Variants in EPB41L5 observed in about 807,000 individuals in gnomAD.
The protein encoded by EPB41L5 is erythrocyte membrane protein band 4.1 like 5.
A neutral mutation model predicts 106.6 loss-of-function variants in EPB41L5; 55 were observed. That is an observed-to-expected ratio of 0.52 (90% CI 0.42 to 0.65). EPB41L5 has a LOEUF of 0.65. Among genes scored for constraint, EPB41L5 ranks in the 30% least tolerant of loss-of-function variants. The probability of loss-of-function intolerance (pLI) is 0.00; values close to 1 mark genes in which losing one functional copy is unlikely to be tolerated. For synonymous variants in EPB41L5, 297 were observed against 306.7 expected (o/e 0.97, Z 0.33); for missense variants, 871 against 882.1 (o/e 0.99, Z 0.16).
At chr2:120,087,859 A>C (rs1490029607) in intron 11 of EPB41L5, among the ~76,000 whole-genome samples, 1 of 152,188 alleles carries the variant, frequency 6.6e-6, no homozygotes, top group East Asian at 1.9e-4. Context: ...ATTAAAGATT[A>C]CCTTTGTATC....
intron 3 of EPB41L5, among the ~76,000 whole-genome samples, chr2:120,045,172 A>C (rs1322428529): frequency 6.6e-6 from 1 of 152,202 alleles, no homozygotes; most frequent in East Asian, 1.9e-4. Flanking sequence ...ATTGGTCACT[A>C]TAGATCAGTC....
intron 21 of EPB41L5, among the ~76,000 whole-genome samples, chr2:120,163,259 C>CA (rs1491109422): frequency 4.8e-5 from 2 of 41,252 alleles, no homozygotes; most frequent in South Asian, 1.9e-3. Context: ...TGTCCCTCTG[C>CA]CCCCCCCCCC....
intron 3 of EPB41L5, among the ~76,000 whole-genome samples, chr2:120,042,902 G>GATA (rs1679488670): frequency 6.6e-6 from 1 of 151,978 alleles, no homozygotes; most frequent in East Asian, 1.9e-4. Flanking sequence ...AATACTTTAG[G>GATA]ATAAAAGTAA....
At chr2:120,108,167 G>A (rs1684556679) in intron 16 of EPB41L5, 1 of 152,106 alleles carries the variant, frequency 6.6e-6, no homozygotes, top group Non-Finnish European at 1.5e-5. Context: ...GTTCTAGGTG[G>A]TGGTGCTTGA....
intron 2 of EPB41L5, among the ~76,000 whole-genome samples, chr2:120,036,685 A>C (rs1302224533): frequency 6.6e-6 from 1 of 152,192 alleles, no homozygotes; most frequent in African/African-American, 2.4e-5. Flanking sequence ...AACAAGAACA[A>C]AAACTTACTT....
At position 120,087,247 on chromosome 2, in the gene EPB41L5, A is replaced by G. The variant is rs769353839; in HGVS notation, c.873+7A>G. On this transcript the variant is annotated splice_region_variant and intron_variant, in intron 11 of 24. Transcript: ENST00000263713. ...TGTAGAAGATGATGATCAGGTAGGAATAAAATTATATTCTATTACTTGTGT... is the reference window on the plus strand; with the variant it reads ...TGTAGAAGATGATGATCAGGTAGGAGTAAAATTATATTCTATTACTTGTGT... 1.7e-5 allele frequency: 24 copies of G among 1,453,592 alleles called. No individual in the cohort carries two copies. The highest frequency in any genetic ancestry group is 2.3e-5 in the East Asian group (1 of 43,968). The allele number at this position is 1,453,592 out of a possible 1,614,324, so 90.0% of individuals were successfully genotyped here.
chr2:120,038,772 A>G (rs773835800), intron 2 of EPB41L5, among the ~76,000 whole-genome samples: 3 of 152,158 alleles, frequency 2.0e-5, no homozygotes, highest in Non-Finnish European at 4.4e-5. Context: ...TAAAAAATAT[A>G]TAAATAGTTA....
At chr2:120,076,850 A>G in intron 7 of EPB41L5, 121 bp from the exon 8 acceptor site, 1 of 867,126 alleles carries the variant, frequency 1.2e-6, no homozygotes, top group Non-Finnish European at 1.7e-6. Context: ...TTGTCTGAGT[A>G]TTATGAATTT....
rs184004132 is a variant in EPB41L5, at chr2:120,106,174, C to T, written c.1337+5360C>T. 4 of 985,156 alleles carry T rather than the reference C, an allele frequency of 4.1e-6. No individual in the cohort carries two copies. In the African/African-American group the frequency reaches 7.0e-5, roughly 17 times the overall value. The allele number at this position is 985,156 out of a possible 1,614,324, so 61.0% of individuals were successfully genotyped here. Reference sequence around the variant, plus strand: ...TCATGATTTTTCTTTTGTTGAAAACCTTGTTGTAAAGAATTGATTTGCGAA... The same window carrying T: ...TCATGATTTTTCTTTTGTTGAAAACTTTGTTGTAAAGAATTGATTTGCGAA... On this transcript the variant is annotated intron_variant, in intron 16 of 24. Transcript: ENST00000263713.
At chr2:120,022,212 C>T (rs949850406) in intron 2 of EPB41L5, among the ~76,000 whole-genome samples, 1 of 151,924 alleles carries the variant, frequency 6.6e-6, no homozygotes, top group African/African-American at 2.4e-5. Context: ...ACTTTAAGTT[C>T]TGGGATACAT....
At chr2:120,123,649 T>TC (rs1685331166) in intron 16 of EPB41L5, among the ~76,000 whole-genome samples, 1 of 118,336 alleles carries the variant, frequency 8.5e-6, no homozygotes, top group Non-Finnish European at 1.7e-5. Context: ...TTCGTCCCTT[T>TC]TTTTTTTTTT....
intron 3 of EPB41L5, among the ~76,000 whole-genome samples, chr2:120,059,454 A>G (rs1477686843): frequency 6.6e-6 from 1 of 152,232 alleles, no homozygotes; most frequent in African/African-American, 2.4e-5. Context: ...TACCAAAAGG[A>G]TGATTTTTAA....
chr2:120,144,260 T>A (rs1686305940), intron 19 of EPB41L5, among the ~76,000 whole-genome samples: 1 of 152,144 alleles, frequency 6.6e-6, no homozygotes, highest in African/African-American at 2.4e-5. Context: ...TTCAACCATG[T>A]GAGGATGCAG....
intron 2 of EPB41L5, among the ~76,000 whole-genome samples, chr2:120,033,028 C>G (rs1678820058): frequency 6.6e-6 from 1 of 152,050 alleles, no homozygotes; most frequent in South Asian, 2.1e-4. Context: ...AAATTAAAAA[C>G]TCTGAAAATA....
At chr2:120,018,976 A>G in intron 1 of EPB41L5, 101 bp from the exon 2 acceptor site, 6 of 1,035,498 alleles carry the variant, frequency 5.8e-6, no homozygotes, top group Non-Finnish European at 4.3e-6. Context: ...ATTTCTACTA[A>G]TGTTCACAGG....
intron 3 of EPB41L5, among the ~76,000 whole-genome samples, chr2:120,043,230 T>C (rs1268766951): frequency 3.3e-5 from 5 of 152,042 alleles, no homozygotes; most frequent in African/African-American, 2.4e-5. Context: ...AAATTAATAC[T>C]ATGCAGCTCA....
At chr2:120,061,466 G>A (rs1364986903) in intron 3 of EPB41L5, among the ~76,000 whole-genome samples, 6 of 149,956 alleles carry the variant, frequency 4.0e-5, no homozygotes, top group Middle Eastern at 3.4e-3. Flanking sequence ...CTCGTGATCC[G>A]CCCGCCTCGG....
chr2:120,039,361 G>A (rs1194559220), intron 2 of EPB41L5, among the ~76,000 whole-genome samples: 1 of 152,100 alleles, frequency 6.6e-6, no homozygotes, highest in East Asian at 1.9e-4. Flanking sequence ...GGATAGTGGT[G>A]ACAGTTGTAC....
intron 10 of EPB41L5, among the ~76,000 whole-genome samples, chr2:120,081,020 G>A (rs1256280330): frequency 1.3e-5 from 2 of 152,086 alleles, no homozygotes; most frequent in African/African-American, 2.4e-5. Flanking sequence ...CACTTTGTCA[G>A]ATGGGTAGAT....
Sources: gnomAD v4.1 joint callset for allele counts (sites outside exome capture counted in the v4.1 genomes callset) on GRCh38, gnomAD v4.1.1 for gene constraint, MANE v1.5 for transcripts, NCBI Gene and HGNC (gene_info 2026-07-23, HGNC 2026-07-21) for gene names.